Variants in PELI2 observed in about 807,000 individuals in gnomAD.
PELI2 encodes the protein pellino E3 ubiquitin protein ligase family member 2.
A neutral mutation model predicts 42.3 loss-of-function variants in PELI2; 23 were observed. The ratio of observed to expected loss-of-function variants is 0.54; its 90% confidence interval spans 0.39 to 0.77. The LOEUF is 0.77. PELI2 is among the 30% of genes least tolerant of loss of function. PELI2 has a pLI of 0.00. For synonymous variants in PELI2, 245 were observed against 212.2 expected (o/e 1.15, Z -1.34); for missense variants, 463 against 553.2 (o/e 0.84, Z 1.64).
Position 56,297,380 on chromosome 14 carries a change from T to G in PELI2, c.*214T>G. ...AAACAGCAGCGTCGTCATTGAAGTC[T>G]GCTTGATTAAACCATAATATCTTTG... is the stretch of plus-strand genomic sequence containing the variant. On this transcript the variant is annotated 3_prime_UTR_variant, in exon 6 of 6. Transcript: ENST00000267460. The G allele has an allele frequency of 2.0e-6, 1 of 501,948 alleles. No individual in the cohort carries two copies. The highest frequency in any genetic ancestry group is 3.5e-6 in the Non-Finnish European group (1 of 283,960). 31.1% of individuals were successfully genotyped at this position (501,948 alleles called of 1,614,324 possible).
intron 2 of PELI2, among the ~76,000 whole-genome samples, chr14:56,209,678 G>A (rs1594641409): frequency 3.9e-5 from 6 of 152,256 alleles, no homozygotes; most frequent in Admixed American, 3.9e-4. Context: ...GGATTTTCCA[G>A]TCATTTTTAG....
At chr14:56,143,831 A>G (rs1007255199) in intron 1 of PELI2, among the ~76,000 whole-genome samples, 2 of 152,012 alleles carry the variant, frequency 1.3e-5, no homozygotes, top group African/African-American at 4.8e-5. Flanking sequence ...CTCACCTTGT[A>G]TTTTCCCTGT....
At chr14:56,231,765 T>G (rs954701841) in intron 2 of PELI2, among the ~76,000 whole-genome samples, 58 of 152,068 alleles carry the variant, frequency 3.8e-4, no homozygotes, top group Middle Eastern at 3.2e-3. Flanking sequence ...GATCAGAGCA[T>G]AACTGAAGGA....
chr14:56,206,312 T>C (rs1464262666), intron 2 of PELI2, among the ~76,000 whole-genome samples: 1 of 152,212 alleles, frequency 6.6e-6, no homozygotes, highest in African/African-American at 2.4e-5. Context: ...CATTTCTCTC[T>C]TCCATTTCCC....
chr14:56,211,025 T>C (rs1446229963), intron 2 of PELI2, among the ~76,000 whole-genome samples: 1 of 152,192 alleles, frequency 6.6e-6, no homozygotes, highest in Admixed American at 6.5e-5. Flanking sequence ...GCTCACACAT[T>C]CTGGGCATAT....
At chr14:56,133,793 A>G (rs142511985) in intron 1 of PELI2, among the ~76,000 whole-genome samples, 1,716 of 152,112 alleles carry the variant, frequency 0.011, 23 homozygotes, top group African/African-American at 0.04. Context: ...TGCCCTGTAA[A>G]TGTCCCCTCC....
Position 56,219,187 on chromosome 14 carries a change from GTTTATTTA to G in PELI2, c.207+40735_207+40742del, listed in dbSNP as rs574069007. Among the ~76,000 whole-genome samples the G allele has an allele frequency of 2.0e-5, 3 of 151,268 alleles. No homozygotes were observed. Among genetic ancestry groups the G allele is most frequent in the South Asian group, 4.2e-4 (2 of 4,814 alleles). On this transcript the variant is annotated intron_variant, in intron 2 of 5. Coordinates refer to ENST00000267460, the MANE Select transcript of PELI2 (RefSeq NM_021255.3). This position sits in a 1 kb window ranked among gnomAD's most constrained non-coding sequence, Gnocchi z 4.1. ...ATGACTTGAGGACAATAAGGTGTTT[GTTTATTTA>G]TTTATTTATTTTGGTTTTAAGGAGC...
chr14:56,183,255 AAC>A (rs1427002665), intron 2 of PELI2, among the ~76,000 whole-genome samples: 1 of 152,180 alleles, frequency 6.6e-6, no homozygotes, highest in Non-Finnish European at 1.5e-5. Context: ...ACAGTAATAA[AAC>A]ACAGTTAAGA....
intron 2 of PELI2, among the ~76,000 whole-genome samples, chr14:56,213,424 C>T (rs1439913641): frequency 6.6e-6 from 1 of 152,096 alleles, no homozygotes; most frequent in African/African-American, 2.4e-5. Context: ...AAGCAGAGTC[C>T]AAGTTAGCAG....
At chr14:56,200,287 T>C (rs552968035) in intron 2 of PELI2, among the ~76,000 whole-genome samples, 1 of 152,404 alleles carries the variant, frequency 6.6e-6, no homozygotes, top group South Asian at 2.1e-4. Context: ...CCAGATTCTG[T>C]GCTAATAAGC....
chr14:56,130,235 A>G (rs1251022755), intron 1 of PELI2, among the ~76,000 whole-genome samples: 1 of 152,026 alleles, frequency 6.6e-6, no homozygotes, highest in Middle Eastern at 3.2e-3. Flanking sequence ...GTAAAGTGCT[A>G]TTCGTGTGTG....
intron 1 of PELI2, among the ~76,000 whole-genome samples, chr14:56,163,328 G>T (rs1325615356): frequency 6.6e-6 from 1 of 152,034 alleles, no homozygotes; most frequent in Non-Finnish European, 1.5e-5. Flanking sequence ...ATTTATTGAA[G>T]AGACTTTTTC....
chr14:56,155,819 G>C (rs545322794), intron 1 of PELI2, among the ~76,000 whole-genome samples: 1 of 151,992 alleles, frequency 6.6e-6, no homozygotes, highest in Non-Finnish European at 1.5e-5. Flanking sequence ...TCTTGACCTC[G>C]TGATCCGCCC....
intron 2 of PELI2, among the ~76,000 whole-genome samples, chr14:56,265,265 G>A (rs1199811812): frequency 6.6e-6 from 1 of 152,140 alleles, no homozygotes; most frequent in East Asian, 1.9e-4. Context: ...TTAAGACAGT[G>A]TGGTATTGGT....
At chr14:56,233,301 A>G (rs1047903570) in intron 2 of PELI2, among the ~76,000 whole-genome samples, 2 of 152,368 alleles carry the variant, frequency 1.3e-5, no homozygotes, top group East Asian at 1.9e-4. Context: ...TGCCAAGTCA[A>G]TCCAAAGCCA....
At chr14:56,292,797 A>G in intron 5 of PELI2, 1 of 969,134 alleles carries the variant, frequency 1.0e-6, no homozygotes, top group East Asian at 1.1e-4. Flanking sequence ...CAGGCCTTTA[A>G]CTCCCTGAAT....
rs1410501753 is a variant in PELI2, at chr14:56,196,069, A to G, written c.207+17605A>G. 2.0e-5 allele frequency among the ~76,000 whole-genome samples: 3 copies of G among 152,238 alleles called. 1 individual carries two copies. Among genetic ancestry groups the G allele is most frequent in the Non-Finnish European group, 4.4e-5 (3 of 68,036 alleles). The stretch of plus-strand genomic sequence containing the variant: ...GCAGGTGACTACAATAAGTACAGAA[A>G]TGGTTAAAATGTTATGACTGTGATT... On this transcript the variant is annotated intron_variant, in intron 2 of 5. Transcript: ENST00000267460.
intron 2 of PELI2, among the ~76,000 whole-genome samples, chr14:56,225,527 C>G (rs1815728954): frequency 6.6e-6 from 1 of 152,160 alleles, no homozygotes; most frequent in African/African-American, 2.4e-5. Flanking sequence ...CTGAATGGAG[C>G]ACATTTTCAA....
intron 1 of PELI2, among the ~76,000 whole-genome samples, chr14:56,136,529 C>T (rs1883693786): frequency 6.6e-6 from 1 of 152,114 alleles, no homozygotes; most frequent in South Asian, 2.1e-4. Flanking sequence ...TATCATTCTT[C>T]AGAGCTGTTT....
Sources: allele counts gnomAD v4.1 joint callset (sites outside exome capture counted in the v4.1 genomes callset), GRCh38; gene constraint gnomAD v4.1.1; non-coding constraint Gnocchi (gnomAD v3.1); transcripts MANE v1.5; gene names NCBI Gene and HGNC (gene_info 2026-07-23, HGNC 2026-07-21).